TP53BP1: variants seen among roughly 807,000 people sequenced by gnomAD.
TP53BP1 encodes tumor protein p53 binding protein 1, also known as TP53-binding protein 1.
A neutral mutation model predicts 200.8 loss-of-function variants in TP53BP1; 61 were observed. The ratio of observed to expected loss-of-function variants is 0.30; its 90% CI spans 0.25 to 0.38. TP53BP1 has a LOEUF of 0.38. Among genes scored for constraint, TP53BP1 ranks in the 10% least tolerant of loss-of-function variants. The pLI is 1.00. For synonymous variants in TP53BP1, 822 were observed against 844.3 expected, an observed-to-expected ratio of 0.97 and a Z score of 0.46; for missense variants, 2,144 against 2,371.9, an observed-to-expected ratio of 0.90 and a Z score of 2.00.
intron 18 of TP53BP1, 126 bp from the exon 19 acceptor site, chr15:43,422,252 C>T (rs2142992301): frequency 1.8e-6 from 2 of 1,140,032 alleles, no homozygotes; most frequent in Non-Finnish European, 2.4e-6. Flanking sequence ...AGGAGACTTT[C>T]TGGAATAATG....
upstream of TP53BP1, among the ~76,000 whole-genome samples, chr15:43,494,279 C>G (rs2079166071): frequency 1.3e-5 from 2 of 152,196 alleles, no homozygotes; most frequent in South Asian, 4.1e-4. Flanking sequence ...CCATGATTCT[C>G]CATTTCTGTA....
intron 16 of TP53BP1, among the ~76,000 whole-genome samples, chr15:43,437,064 CAGG>C (rs2045815674): frequency 6.6e-6 from 1 of 151,860 alleles, no homozygotes; most frequent in South Asian, 2.1e-4. Context: ...GGGGTTCAGG[CAGG>C]AGGATTGCTT....
chr15:43,495,495 T>TCACACACACACACA (rs376410840), upstream of TP53BP1, among the ~76,000 whole-genome samples: 1,546 of 133,378 alleles, frequency 0.012, 16 homozygotes, highest in African/African-American at 0.021. Context: ...TGAGACTCCG[T>TCACACACACACACA]CACACACACA....
chr15:43,460,670 G>A (rs920837291), intron 11 of TP53BP1, among the ~76,000 whole-genome samples: 3 of 152,064 alleles, frequency 2.0e-5, no homozygotes, highest in African/African-American at 7.2e-5. Context: ...TATCCTATCA[G>A]ATTGTAACAA....
rs1258121350 is a variant in TP53BP1, at chr15:43,407,391, A to AAAC, written c.5923_5925dup (p.Val1975dup). ...AGTAAGACCAAGTATCTTTAGTGAG[A>AAAC]AACATAATCGTGTTTATATTTTGGA... On this transcript the variant is annotated inframe_insertion, in exon 28 of 28. Coordinates refer to ENST00000382044, the MANE Select transcript of TP53BP1 (RefSeq NM_001141980.3). 6 of 1,614,122 alleles carry AAAC rather than the reference A, an allele frequency of 3.7e-6. No homozygotes were observed. The South Asian group carries it at 5.5e-5, about 15-fold the overall frequency.
chr15:43,493,114 C>G lies in TP53BP1; in HGVS notation c.-71G>C. On this transcript the variant is annotated 5_prime_UTR_variant, in exon 1 of 28. Transcript: ENST00000382044. ...TCCCCAAGTCCCTCCAGATCGATCC[C>G]TAGGTCGCCGCTGTCGCCACCGCCG... 1 of 1,601,336 alleles carries G rather than the reference C, an allele frequency of 6.2e-7. No individual in the cohort carries two copies. Among genetic ancestry groups the G allele is most frequent in the Non-Finnish European group, 8.5e-7 (1 of 1,176,276 alleles).
intron 7 of TP53BP1, among the ~76,000 whole-genome samples, 199 bp from the exon 8 acceptor site, chr15:43,477,958 ACTCT>A (rs1158511153): frequency 6.6e-6 from 1 of 151,908 alleles, no homozygotes; most frequent in Non-Finnish European, 1.5e-5. Flanking sequence ...AACCTGTCTC[ACTCT>A]CTCTCACAGC....
intron 15 of TP53BP1, among the ~76,000 whole-genome samples, chr15:43,440,605 T>C (rs1230826435): frequency 2.0e-5 from 3 of 151,916 alleles, no homozygotes; most frequent in African/African-American, 7.2e-5. Flanking sequence ...TAAGAATTCT[T>C]GGTGGGGCAT....
intron 15 of TP53BP1, 27 bp from the exon 16 acceptor site, chr15:43,438,443 T>C: frequency 1.9e-6 from 3 of 1,557,196 alleles, no homozygotes; most frequent in Non-Finnish European, 2.6e-6. Context: ...AAGCAATATA[T>C]TGTTAACTTT....
Position 43,477,589 on chromosome 15 carries a change from G to C in TP53BP1, c.955+4C>G. On this transcript the variant is annotated splice_donor_region_variant and intron_variant, in intron 8 of 27. Coordinates refer to ENST00000382044, the MANE Select transcript of TP53BP1 (RefSeq NM_001141980.3). ...GAGCTGTAACGACAAATCACTCTTG[G>C]TACCTGTTTTATTGCTCTGGTCAAA... 6.2e-7 allele frequency: 1 copy of C among 1,605,274 alleles called. No individual in the cohort carries two copies.
At chr15:43,463,409 T>G (rs748021604) in intron 11 of TP53BP1, among the ~76,000 whole-genome samples, 1 of 152,218 alleles carries the variant, frequency 6.6e-6, no homozygotes, top group African/African-American at 2.4e-5. Context: ...TAGGTTGACT[T>G]GGACTCCAGT....
chr15:43,421,091 TTCCC>T lies in TP53BP1; in HGVS notation c.4180_4183del (p.Gly1394ArgfsTer33). On this transcript the variant is annotated frameshift_variant, in exon 20 of 28. Coordinates refer to ENST00000382044, the MANE Select transcript of TP53BP1 (RefSeq NM_001141980.3). LOFTEE classifies it high-confidence loss of function. ...ACGCCCACGAGGCGTGACTGGAGCC[TTCCC>T]TCCCTGTCTGATGCCAAGGCCTGCA... The T allele has an allele frequency of 6.2e-7, 1 of 1,614,186 alleles. No homozygotes were observed. Among genetic ancestry groups the T allele is most frequent in the Non-Finnish European group, 8.5e-7 (1 of 1,180,022 alleles).
rs753263851 is a variant in TP53BP1 at position 43,432,610 on chromosome 15, T to G, written c.3259A>C (p.Thr1087Pro). The G allele has an allele frequency of 5.2e-5, 84 of 1,613,364 alleles. No homozygotes were observed. Among genetic ancestry groups the G allele is most frequent in the Non-Finnish European group, 6.6e-5 (78 of 1,179,492 alleles). Residue 1087 changes from threonine (T) to proline (P), a missense_variant, in exon 17 of 28, where the codon ACA (threonine) becomes CCA (proline). Coordinates refer to ENST00000382044, the MANE Select transcript of TP53BP1 (RefSeq NM_001141980.3). ...ATAGGCTGTTGACTCTGCCTGATTG[T>G]ATGGTCACCCTCCAATTTTTCTTTC... is the stretch of plus-strand genomic sequence containing the variant. Reference protein sequence around the residue: ...EEKEKLEGDHTIRQSQQPMKP... With the variant: ...EEKEKLEGDHPIRQSQQPMKP...
chr15:43,474,033 A>T (rs2046790619), intron 10 of TP53BP1, among the ~76,000 whole-genome samples: 1 of 152,356 alleles, frequency 6.6e-6, no homozygotes, highest in African/African-American at 2.4e-5. Context: ...AAGGCAGCTA[A>T]GTAAGGCCCG....
intron 23 of TP53BP1, among the ~76,000 whole-genome samples, chr15:43,414,887 T>G (rs926350820): frequency 3.0e-4 from 46 of 151,978 alleles, no homozygotes; most frequent in African/African-American, 1.1e-3. Flanking sequence ...TTTGTATTTT[T>G]AGTAGAGATG....
rs933109756 is a variant in TP53BP1, at chr15:43,492,978, C to T, written c.7+59G>A. 6.9e-6 allele frequency: 11 copies of T among 1,587,752 alleles called. No homozygotes were observed. The Middle Eastern group carries it at 6.7e-4, about 97-fold the overall frequency. ...CGCCCCCTCCGGTCAGCCATCCCTTCAGACCCGAAATCCAGGCCTTCAGAG... is the reference window on the plus strand; with the variant it reads ...CGCCCCCTCCGGTCAGCCATCCCTTTAGACCCGAAATCCAGGCCTTCAGAG... On this transcript the variant is annotated intron_variant, in intron 1 of 27. Transcript: ENST00000382044.
At chr15:43,421,619 T>G (rs998065533) in intron 19 of TP53BP1, 1 of 598,614 alleles carries the variant, frequency 1.7e-6, no homozygotes, top group Admixed American at 3.0e-5. Flanking sequence ...TCCCCTCCCC[T>G]GTTACCTACA....
intron 17 of TP53BP1, 40 bp from the exon 18 acceptor site, chr15:43,428,208 G>A (rs1390756756): frequency 1.9e-6 from 3 of 1,578,560 alleles, no homozygotes; most frequent in African/African-American, 2.7e-5. Context: ...AGGTCTCACT[G>A]CAAGCTGTCA....
At chr15:43,508,412 CT>C (rs1165264735) in intron 1 of TP53BP1, among the ~76,000 whole-genome samples, 6 of 152,148 alleles carry the variant, frequency 3.9e-5, no homozygotes, top group Non-Finnish European at 8.8e-5. Flanking sequence ...AATCCCAGTC[CT>C]TTGGGAGGCC....
Sources: allele counts gnomAD v4.1 joint callset (sites outside exome capture counted in the v4.1 genomes callset), GRCh38; gene constraint gnomAD v4.1.1; transcripts MANE v1.5; gene names NCBI Gene and HGNC (gene_info 2026-07-23, HGNC 2026-07-21).